Variants in PPARGC1A observed in about 807,000 individuals in gnomAD.
PPARGC1A encodes the protein peroxisome proliferator-activated receptor gamma coactivator 1-alpha.
A neutral mutation model predicts 88.7 loss-of-function variants in PPARGC1A; 25 were observed. That is an observed-to-expected ratio of 0.28 (90% CI 0.21 to 0.39). The LOEUF (loss-of-function observed/expected upper bound fraction) is 0.39. Ranked by LOEUF, PPARGC1A falls within the 10% of genes least tolerant of loss-of-function variation. The pLI is 1.00. For synonymous variants in PPARGC1A, 363 were observed against 355.6 expected, an observed-to-expected ratio of 1.02 and a Z score of -0.24; for missense variants, 880 against 968.7, an observed-to-expected ratio of 0.91 and a Z score of 1.22.
chr4:24,444,603 C>CA, the PPARGC1A span, among the ~76,000 whole-genome samples: 1 of 152,110 alleles, frequency 6.6e-6, no homozygotes, highest in African/African-American at 2.4e-5. Context: ...ATGCATGAGC[C>CA]ATTGCTATAT....
the PPARGC1A span, among the ~76,000 whole-genome samples, chr4:24,236,020 C>T: frequency 6.6e-6 from 1 of 152,144 alleles, no homozygotes; most frequent in Non-Finnish European, 1.5e-5. Flanking sequence ...CATCAATATC[C>T]CAGGGTTGTG....
the PPARGC1A span, among the ~76,000 whole-genome samples, chr4:24,311,068 G>C: frequency 7.2e-6 from 1 of 138,214 alleles, no homozygotes; most frequent in Admixed American, 7.3e-5. Flanking sequence ...ACATAGAATA[G>C]TAAGTTATAT....
At chr4:24,397,766 C>CT in the PPARGC1A span, among the ~76,000 whole-genome samples, 2 of 152,184 alleles carry the variant, frequency 1.3e-5, no homozygotes, top group South Asian at 4.1e-4. Flanking sequence ...GCAGCCAAAT[C>CT]TAACTGCAGA....
At chr4:23,977,869 A>T in the PPARGC1A span, among the ~76,000 whole-genome samples, 1 of 152,230 alleles carries the variant, frequency 6.6e-6, no homozygotes, top group African/African-American at 2.4e-5. Flanking sequence ...AATGTTTTTC[A>T]AGACATTTCT....
the PPARGC1A span, among the ~76,000 whole-genome samples, chr4:24,076,310 G>A: frequency 6.6e-6 from 1 of 152,144 alleles, no homozygotes; most frequent in South Asian, 2.1e-4. Context: ...CATCTAATCT[G>A]TGGAGGAGTC....
chr4:24,026,142 C>G, the PPARGC1A span, among the ~76,000 whole-genome samples: 1 of 152,164 alleles, frequency 6.6e-6, no homozygotes, highest in Non-Finnish European at 1.5e-5. Context: ...CCTGGATCGG[C>G]ACTACTTCTG....
At chr4:24,041,256 A>T in the PPARGC1A span, among the ~76,000 whole-genome samples, 12 of 152,228 alleles carry the variant, frequency 7.9e-5, no homozygotes, top group Middle Eastern at 3.2e-3. Context: ...CAAGGTCAAG[A>T]GGAAAATGAA....
At chr4:23,931,715 T>C in the PPARGC1A span, among the ~76,000 whole-genome samples, 1 of 152,136 alleles carries the variant, frequency 6.6e-6, no homozygotes, top group Non-Finnish European at 1.5e-5. Context: ...GGAAAAATAA[T>C]ACCTAAGTTA....
the PPARGC1A span, among the ~76,000 whole-genome samples, chr4:24,413,143 T>A: frequency 6.6e-6 from 1 of 152,080 alleles, no homozygotes; most frequent in African/African-American, 2.4e-5. Flanking sequence ...ATAGGAAGTA[T>A]TGAATTTTGA....
intron 12 of PPARGC1A, among the ~76,000 whole-genome samples, chr4:23,799,538 C>T: frequency 6.6e-6 from 1 of 152,188 alleles, no homozygotes; most frequent in African/African-American, 2.4e-5. Flanking sequence ...TCAGACTATA[C>T]AATGATGGAG....
At chr4:24,098,857 A>G in the PPARGC1A span, among the ~76,000 whole-genome samples, 2 of 152,242 alleles carry the variant, frequency 1.3e-5, no homozygotes, top group African/African-American at 4.8e-5. Context: ...AAAAAACAAC[A>G]TATAGATGAG....
the PPARGC1A span, among the ~76,000 whole-genome samples, chr4:23,930,047 G>A: frequency 6.6e-6 from 1 of 152,102 alleles, no homozygotes. Flanking sequence ...ACTCCAGGGT[G>A]CCACGTTAAA....
the PPARGC1A span, among the ~76,000 whole-genome samples, chr4:24,456,950 G>C: frequency 6.6e-6 from 1 of 152,312 alleles, no homozygotes; most frequent in African/African-American, 2.4e-5. Context: ...CGCAGATGCT[G>C]AAGACCACCC....
chr4:24,226,815 C>T, the PPARGC1A span, among the ~76,000 whole-genome samples: 1 of 152,166 alleles, frequency 6.6e-6, no homozygotes, highest in Non-Finnish European at 1.5e-5. Flanking sequence ...CAACCCCTTC[C>T]AGCTCTGAGG....
At chr4:24,161,109 G>T in the PPARGC1A span, among the ~76,000 whole-genome samples, 2,805 of 152,332 alleles carry the variant, frequency 0.018, 100 homozygotes, top group African/African-American at 0.063. Context: ...CCTACTGACT[G>T]GTCCTAAATA....
At chr4:23,913,147 A>ACT in the PPARGC1A span, among the ~76,000 whole-genome samples, 17,903 of 143,210 alleles carry the variant, frequency 0.13, 1,493 homozygotes, top group Non-Finnish European at 0.19. Flanking sequence ...ACACACATAC[A>ACT]CTCTCTCTCT....
the PPARGC1A span, among the ~76,000 whole-genome samples, chr4:24,056,995 C>A: frequency 6.6e-6 from 1 of 152,130 alleles, no homozygotes; most frequent in Non-Finnish European, 1.5e-5. Context: ...AAAGAGATAT[C>A]TTTACACCTG....
the PPARGC1A span, among the ~76,000 whole-genome samples, chr4:24,118,287 A>T: frequency 6.6e-6 from 1 of 152,264 alleles, no homozygotes; most frequent in Non-Finnish European, 1.5e-5. Flanking sequence ...CTGCCAGAGG[A>T]GGAGCTACAA....
the PPARGC1A span, among the ~76,000 whole-genome samples, chr4:23,946,391 C>T: frequency 6.6e-6 from 1 of 152,038 alleles, no homozygotes; most frequent in Non-Finnish European, 1.5e-5. Flanking sequence ...AAGCAGTGCC[C>T]CTCACTAGCC....
Sources: gnomAD v4.1 joint callset for allele counts (sites outside exome capture counted in the v4.1 genomes callset) on GRCh38, gnomAD v4.1.1 for gene constraint, MANE v1.5 for transcripts, NCBI Gene and HGNC (gene_info 2026-07-23, HGNC 2026-07-21) for gene names.